Variants in KDM6A observed in about 807,000 individuals in gnomAD.
KDM6A encodes the protein lysine demethylase 6A.
Under a neutral mutation model 117.6 loss-of-function variants are expected in KDM6A, and 11 were observed. The ratio of observed to expected loss-of-function variants is 0.09; its 90% CI spans 0.06 to 0.15. The LOEUF is 0.15. Ranked by LOEUF, KDM6A falls within the 10% of genes least tolerant of loss-of-function variation. The pLI is 1.00. For missense variants in KDM6A, 799 were observed against 1,077.3 expected (o/e 0.74, Z 3.62); for synonymous variants, 384 against 396.1 (o/e 0.97, Z 0.36).
chrX:45,006,178 C>T (rs2041476261), intron 4 of KDM6A, among the ~76,000 whole-genome samples: 1 of 86,323 alleles, frequency 1.2e-5, no homozygotes, highest in African/African-American at 4.2e-5. Flanking sequence ...CCCCCGCCGC[C>T]ATGTTGCCAA....
chrX:44,882,395 G>T (rs746576427), intron 2 of KDM6A, among the ~76,000 whole-genome samples: 87 of 112,078 alleles, frequency 7.8e-4, no homozygotes, highest in African/African-American at 2.6e-3. Flanking sequence ...AAACATAACC[G>T]TGATGCCCTT....
At chrX:45,017,873 A>G (rs1485030728) in intron 5 of KDM6A, among the ~76,000 whole-genome samples, 3 of 111,970 alleles carry the variant, frequency 2.7e-5, no homozygotes, top group Non-Finnish European at 5.6e-5. Context: ...ACACTAAGCA[A>G]AAATTGTCGT....
At chrX:44,981,365 C>T (rs1335144860) in intron 4 of KDM6A, among the ~76,000 whole-genome samples, 1 of 111,700 alleles carries the variant, frequency 9.0e-6, no homozygotes, top group African/African-American at 3.3e-5. Flanking sequence ...TTAGGGTTTA[C>T]TGTTTTATTA....
At chrX:45,094,147 C>G (rs779469361) in intron 27 of KDM6A, among the ~76,000 whole-genome samples, 2 of 111,762 alleles carry the variant, frequency 1.8e-5, no homozygotes, top group African/African-American at 3.2e-5. Context: ...CAACATGGCT[C>G]CCTTTCTTTG....
At chrX:45,091,915 A>G (rs2045908547) in intron 27 of KDM6A, among the ~76,000 whole-genome samples, 2 of 111,710 alleles carry the variant, frequency 1.8e-5, no homozygotes, top group Non-Finnish European at 3.8e-5. Flanking sequence ...TTTTATTTAA[A>G]CAAAAGTTGT....
intron 2 of KDM6A, among the ~76,000 whole-genome samples, chrX:44,946,705 G>A (rs2037654071): frequency 9.8e-6 from 1 of 102,332 alleles, no homozygotes; most frequent in Non-Finnish European, 2.0e-5. Flanking sequence ...GCCTTTAATA[G>A]GTTTTTTTAT....
intron 2 of KDM6A, among the ~76,000 whole-genome samples, chrX:44,913,573 G>A (rs1357471729): frequency 5.4e-5 from 6 of 110,633 alleles, no homozygotes; most frequent in Admixed American, 9.7e-5. Context: ...AAAGTGCTGG[G>A]ATTACAGACA....
intron 7 of KDM6A, among the ~76,000 whole-genome samples, chrX:45,036,408 T>C (rs936573527): frequency 2.7e-5 from 3 of 112,461 alleles, no homozygotes; most frequent in African/African-American, 9.7e-5. Flanking sequence ...AGATGAATTA[T>C]GTCATACTTT....
At chrX:44,999,235 C>T (rs898119997) in intron 4 of KDM6A, among the ~76,000 whole-genome samples, 7 of 112,127 alleles carry the variant, frequency 6.2e-5, no homozygotes, top group African/African-American at 2.3e-4. Flanking sequence ...TTTTAATTCT[C>T]AGCAAAGCAA....
At chrX:44,999,276 G>C (rs1441121669) in intron 4 of KDM6A, among the ~76,000 whole-genome samples, 1 of 112,312 alleles carries the variant, frequency 8.9e-6, no homozygotes, top group Non-Finnish European at 1.9e-5. Flanking sequence ...CGCCCTTACA[G>C]ATAGAGCAAT....
chrX:44,990,767 C>A (rs1184021868), intron 4 of KDM6A, among the ~76,000 whole-genome samples: 5 of 111,320 alleles, frequency 4.5e-5, no homozygotes, highest in Non-Finnish European at 5.6e-5. Context: ...TTAAATTTAT[C>A]AAGCAACTTC....
At chrX:45,005,558 G>C (rs2041397170) in intron 4 of KDM6A, among the ~76,000 whole-genome samples, 1 of 111,603 alleles carries the variant, frequency 9.0e-6, no homozygotes, top group South Asian at 3.8e-4. Flanking sequence ...CCAGAAGATT[G>C]AGGGTTTGAG....
intron 27 of KDM6A, among the ~76,000 whole-genome samples, chrX:45,092,582 A>C (rs370646610): frequency 2.4e-4 from 27 of 112,005 alleles, no homozygotes; most frequent in African/African-American, 8.1e-4. Context: ...TCTATGCCAG[A>C]CACTGTTCTA....
rs765678568 is a variant in KDM6A at position 45,061,425 on chromosome X, T to C, written c.1581+6T>C. 15 of 1,020,127 alleles carry C rather than the reference T, an allele frequency of 1.5e-5. No homozygotes were observed. The highest frequency in any genetic ancestry group is 2.1e-5 in the Non-Finnish European group (15 of 730,075). 84.1% of individuals were successfully genotyped at this position (1,020,127 alleles called of 1,213,427 possible). A position where few individuals can be genotyped will look rare whatever the true frequency, so the allele number is the denominator to read the frequency against. On this transcript the variant is annotated splice_donor_region_variant and intron_variant, in intron 15 of 29. Coordinates refer to ENST00000611820, the MANE Select transcript of KDM6A (RefSeq NM_001291415.2). ...TGACACCACAGAAATTACAGGTATG[T>C]AAGATGTTTTTGACAAATTGTTTAT...
At chrX:44,983,303 C>T (rs1017622488) in intron 4 of KDM6A, among the ~76,000 whole-genome samples, 2 of 111,595 alleles carry the variant, frequency 1.8e-5, no homozygotes, top group African/African-American at 6.5e-5. Flanking sequence ...TCTGACTTTC[C>T]GGTGGCTTTT....
intron 3 of KDM6A, among the ~76,000 whole-genome samples, chrX:44,969,411 C>CTTTTTTTTTTT (rs11288771): frequency 1.1e-4 from 4 of 35,982 alleles, no homozygotes; most frequent in Non-Finnish European, 1.5e-4. Flanking sequence ...CTCTTTTTAT[C>CTTTTTTTTTTT]TTTTTTTTTT....
chrX:44,973,084 T>C (rs2039440401), intron 3 of KDM6A, among the ~76,000 whole-genome samples: 1 of 110,273 alleles, frequency 9.1e-6, no homozygotes, highest in Admixed American at 9.6e-5. Context: ...TCTGGGAGCC[T>C]TCACATCATC....
chrX:44,943,473 T>C (rs2037452528), intron 2 of KDM6A, among the ~76,000 whole-genome samples: 1 of 109,596 alleles, frequency 9.1e-6, no homozygotes, highest in South Asian at 3.8e-4. Context: ...TAAAGTGAAG[T>C]GCAATAAAAT....
At chrX:45,098,115 T>C in intron 27 of KDM6A, among the ~76,000 whole-genome samples, 1 of 112,237 alleles carries the variant, frequency 8.9e-6, no homozygotes, top group Non-Finnish European at 1.9e-5. Flanking sequence ...GACCAAACTT[T>C]AAGTGTCTTT....
Sources: gnomAD v4.1 joint callset for allele counts (sites outside exome capture counted in the v4.1 genomes callset) on GRCh38, gnomAD v4.1.1 for gene constraint, MANE v1.5 for transcripts, NCBI Gene and HGNC (gene_info 2026-07-23, HGNC 2026-07-21) for gene names.